Variants in CRAMP1 observed in about 807,000 individuals in gnomAD.
The protein encoded by CRAMP1 is cramped chromatin regulator 1, also known as protein cramped-like.
A neutral mutation model predicts 115.4 loss-of-function variants in CRAMP1; 50 were observed. The ratio of observed to expected loss-of-function variants is 0.43; its 90% CI spans 0.35 to 0.55. The LOEUF (loss-of-function observed/expected upper bound fraction) is 0.55. Among genes scored for constraint, CRAMP1 ranks in the 20% least tolerant of loss-of-function variants. The pLI is 0.01. For missense variants in CRAMP1, 1,679 were observed against 1,721.7 expected, an observed-to-expected ratio of 0.98 and a Z score of 0.44; for synonymous variants, 866 against 745.4, an observed-to-expected ratio of 1.16 and a Z score of -2.64.
intron 6 of CRAMP1, among the ~76,000 whole-genome samples, chr16:1,644,096 G>A (rs1368223475): frequency 1.3e-5 from 2 of 152,216 alleles, no homozygotes; most frequent in African/African-American, 4.8e-5. Context: ...AAGGATTTTG[G>A]CAAATGGCAG....
Position 1,673,980 on chromosome 16 carries a change from G to T in CRAMP1, c.3745G>T (p.Gly1249Cys). The T allele has an allele frequency of 6.2e-7, 1 of 1,613,102 alleles. No individual in the cohort carries two copies. Among genetic ancestry groups the T allele is most frequent in the Non-Finnish European group, 8.5e-7 (1 of 1,179,894 alleles). ...CCAAGAGCTGTCCATCGCTGAGCCT[G>T]GCCGCCGAGAAGCTCTGTTTGATGG... is the stretch of plus-strand genomic sequence containing the variant. ...LAQELSIAEP[G>C]RREALFDGGG... The change falls in exon 21 of 21, where the codon GGC (glycine) becomes TGC (cysteine). Residue 1249 changes from glycine to cysteine, a missense_variant. Gly to Cys is a radical substitution (Grantham distance 159). This residue lies in a region of CRAMP1 where 709 missense variants were observed against 741.9 expected (regional missense o/e 0.96). Transcript: ENST00000397412.
At chr16:1,658,963 T>G (rs2036800161) in intron 10 of CRAMP1, among the ~76,000 whole-genome samples, 1 of 151,850 alleles carries the variant, frequency 6.6e-6, no homozygotes, top group Non-Finnish European at 1.5e-5. Flanking sequence ...GTGGTGGCGT[T>G]TCTGTGGTGA....
intron 2 of CRAMP1, among the ~76,000 whole-genome samples, chr16:1,616,816 ATCT>A (rs1318601416): frequency 6.6e-5 from 10 of 151,086 alleles, no homozygotes; most frequent in African/African-American, 2.2e-4. Flanking sequence ...AAGCAAATAT[ATCT>A]TTTTTTTTTT....
At chr16:1,640,374 A>C (rs1294239785) in intron 5 of CRAMP1, among the ~76,000 whole-genome samples, 2 of 152,044 alleles carry the variant, frequency 1.3e-5, no homozygotes, top group Non-Finnish European at 2.9e-5. Context: ...GTGGTCATCT[A>C]TGCCCTCATT....
chr16:1,618,775 T>C (rs1363239877), intron 2 of CRAMP1, among the ~76,000 whole-genome samples: 2 of 152,012 alleles, frequency 1.3e-5, no homozygotes, highest in East Asian at 1.9e-4. Context: ...GAGGCTGAGG[T>C]GGGAGGATCA....
intron 6 of CRAMP1, among the ~76,000 whole-genome samples, chr16:1,643,556 A>G (rs1160900869): frequency 4.0e-5 from 6 of 151,840 alleles, no homozygotes; most frequent in Non-Finnish European, 5.9e-5. Context: ...AAGAAAAAAA[A>G]AAAAAACCCT....
Position 1,614,197 on chromosome 16 carries a change from G to T in CRAMP1, c.-1-442G>T, listed in dbSNP as rs2036394072. 6.8e-6 allele frequency among the ~76,000 whole-genome samples: 1 copy of T among 147,946 alleles called. No individual in the cohort carries two copies. The highest frequency in any genetic ancestry group is 2.4e-5 in the African/African-American group (1 of 40,922). ...AGGCGGCGCAGGGAGCGAGGCCGGCGCGCAGGGCCAGGCCATGAGCCGCGG... is the reference window on the plus strand; with the variant it reads ...AGGCGGCGCAGGGAGCGAGGCCGGCTCGCAGGGCCAGGCCATGAGCCGCGG... On this transcript the variant is annotated intron_variant, in intron 1 of 20. Coordinates refer to ENST00000397412, the MANE Select transcript of CRAMP1 (RefSeq NM_020825.4). The surrounding 1 kb of genome is among the most constrained non-coding windows in gnomAD (Gnocchi z 4.4).
At chr16:1,619,650 C>G (rs1163265217) in intron 2 of CRAMP1, among the ~76,000 whole-genome samples, 1 of 152,150 alleles carries the variant, frequency 6.6e-6, no homozygotes, top group Non-Finnish European at 1.5e-5. Context: ...CAGTGGAGTT[C>G]TAGTTGTATT....
intron 2 of CRAMP1, among the ~76,000 whole-genome samples, chr16:1,616,218 C>T (rs138327039): frequency 2.0e-5 from 3 of 152,302 alleles, no homozygotes; most frequent in Non-Finnish European, 2.9e-5. Context: ...TTGCTTGTTA[C>T]TAGTTTTTTA....
At chr16:1,653,835 AAAC>A (rs1191046547) in intron 8 of CRAMP1, among the ~76,000 whole-genome samples, 4 of 147,154 alleles carry the variant, frequency 2.7e-5, no homozygotes, top group East Asian at 2.0e-4. Context: ...AAAAAAAAAA[AAAC>A]AAACAAAAAA....
chr16:1,630,326 G>GT (rs772458646), intron 3 of CRAMP1, among the ~76,000 whole-genome samples: 3 of 151,784 alleles, frequency 2.0e-5, no homozygotes, highest in African/African-American at 7.3e-5. Context: ...TAATTTTTAA[G>GT]TTTTTTGTGG....
At position 1,662,601 on chromosome 16, in the gene CRAMP1, G is replaced by A. The variant is rs1287473738; in HGVS notation, c.2525G>A (p.Arg842Gln). The A allele has an allele frequency of 2.5e-6, 4 of 1,613,974 alleles. No individual in the cohort carries two copies. Among genetic ancestry groups the A allele is most frequent in the South Asian group, 1.1e-5 (1 of 91,080 alleles). ...CCGACAACCTTGCCACCCAACAGCC[G>A]ACACGGGAAGCTCTTCTCTCCCAGT... is the stretch of plus-strand genomic sequence containing the variant. The part of the protein sequence containing the change: ...AVPTTLPPNS[R>Q]HGKLFSPSKE... Residue 842 changes from arginine (R) to glutamine (Q), a missense_variant, in exon 12 of 21, where the codon CGA becomes CAA. Physicochemically the swap from Arg to Gln is conservative, Grantham distance 43. Around this residue, in one of 8 missense-constraint regions of CRAMP1, gnomAD observed 709 missense variants for 741.9 expected, o/e 0.96. Coordinates refer to ENST00000397412, the MANE Select transcript of CRAMP1 (RefSeq NM_020825.4).
In CRAMP1 at chr16:1,676,900, T is replaced by G. The variant is rs1014645731; in HGVS notation, c.*2855T>G. The G allele has an allele frequency of 6.6e-6, 1 of 152,312 alleles. No individual in the cohort carries two copies. Among genetic ancestry groups the G allele is most frequent in the African/African-American group, 2.4e-5 (1 of 41,468 alleles). The allele number at this position is 152,312 out of a possible 1,614,324, so 9.4% of individuals were successfully genotyped here. A position where few individuals can be genotyped will look rare whatever the true frequency, so the allele number is the denominator to read the frequency against. On this transcript the variant is annotated 3_prime_UTR_variant, in exon 21 of 21. Coordinates refer to ENST00000397412, the MANE Select transcript of CRAMP1 (RefSeq NM_020825.4). ...GTTGGCGGCGTTTCCGCGGTTGGCC[T>G]CCTTGCTTTGCCGCACCTCCAGGTT...
At chr16:1,643,853 C>T (rs749939041) in intron 6 of CRAMP1, among the ~76,000 whole-genome samples, 17 of 152,220 alleles carry the variant, frequency 1.1e-4, no homozygotes, top group Admixed American at 7.2e-4. Context: ...GGCTGAATGT[C>T]GGCTGTCATC....
chr16:1,614,842 C>T lies in CRAMP1; in HGVS notation c.203C>T (p.Ala68Val), dbSNP rs189020189. The part of the protein sequence containing the change: ...GPPAPPGAPQ[A>V]PSPPQGSPQD... ...CCCGCGCCCCCCGGCGCGCCGCAGG[C>T]GCCGTCCCCGCCGCAGGGCAGCCCC... The change falls in exon 2 of 21, where the codon GCG (alanine) becomes GTG (valine). Residue 68 changes from alanine (A) to valine (V), a missense_variant. Transcript: ENST00000397412. The surrounding 1 kb of genome is among the most constrained non-coding windows in gnomAD (Gnocchi z 4.4). 49,999 of 1,279,844 alleles carry T rather than the reference C, an allele frequency of 0.039. 1,243 individuals carry two copies. The highest frequency in any genetic ancestry group is 0.043 in the Non-Finnish European group (43,579 of 1,017,676). The allele number at this position is 1,279,844 out of a possible 1,614,324, so 79.3% of individuals were successfully genotyped here.
In CRAMP1 at chr16:1,656,585, C is replaced by T. The variant is rs965032988; in HGVS notation, c.1828C>T (p.Leu610Phe). The change falls in exon 10 of 21, where the codon CTT becomes TTT. Residue 610 changes from leucine to phenylalanine, a missense_variant. Leu to Phe is a conservative substitution (Grantham distance 22). Transcript: ENST00000397412. This position sits in a 1 kb window ranked among gnomAD's most constrained non-coding sequence, Gnocchi z 5.6. ...TCCTGTCAGCAAGGAGGCTGCTGACCTTGCTCCCACTGGCCCATCCCCGAG... is the reference window on the plus strand; with the variant it reads ...TCCTGTCAGCAAGGAGGCTGCTGACTTTGCTCCCACTGGCCCATCCCCGAG... The part of the protein sequence containing the change: ...LAPVSKEAAD[L>F]APTGPSPRPG... 4.5e-6 allele frequency: 7 copies of T among 1,563,848 alleles called. No individual in the cohort carries two copies. Among genetic ancestry groups the T allele is most frequent in the Non-Finnish European group, 6.1e-6 (7 of 1,154,858 alleles).
intron 2 of CRAMP1, among the ~76,000 whole-genome samples, chr16:1,621,454 T>C (rs1045047261): frequency 6.6e-6 from 1 of 152,008 alleles, no homozygotes; most frequent in African/African-American, 2.4e-5. Flanking sequence ...AAACAGGCGG[T>C]GCGGATGGGA....
Position 1,658,647 on chromosome 16 carries a change from G to C in CRAMP1, c.2236-1239G>C, listed in dbSNP as rs148418564. ...CTCTTGCCTGGTGGAGCTGTGACAA[G>C]CACCCCAAAAGGCCCGAGCCCCAGA... On this transcript the variant is annotated intron_variant, in intron 10 of 20. Transcript: ENST00000397412. Among the ~76,000 whole-genome samples the C allele has an allele frequency of 4.6e-5, 7 of 152,296 alleles. No homozygotes were observed. In the East Asian group the frequency reaches 1.4e-3, roughly 29 times the overall value.
chr16:1,636,670 G>C (rs945360581), intron 4 of CRAMP1, among the ~76,000 whole-genome samples: 1 of 152,224 alleles, frequency 6.6e-6, no homozygotes, highest in African/African-American at 2.4e-5. Context: ...GTTGTCACTT[G>C]GTTTCCCTAG....
Sources: allele counts gnomAD v4.1 joint callset (sites outside exome capture counted in the v4.1 genomes callset), GRCh38; gene constraint gnomAD v4.1.1; regional missense constraint gnomAD v4.1.1; non-coding constraint Gnocchi (gnomAD v3.1); transcripts MANE v1.5; gene names NCBI Gene and HGNC (gene_info 2026-07-23, HGNC 2026-07-21).